Variants in GALNT13 observed in about 807,000 individuals in gnomAD.
GALNT13 encodes polypeptide N-acetylgalactosaminyltransferase 13.
GALNT13 carries 28 observed loss-of-function variants against 64.2 expected under a neutral mutation model. The observed-to-expected ratio is 0.44, with a 90% confidence interval of 0.32 to 0.60. The LOEUF (loss-of-function observed/expected upper bound fraction) is 0.60. Ranked by LOEUF, GALNT13 falls within the 20% of genes least tolerant of loss-of-function variation. GALNT13 has a pLI of 0.05. For missense variants in GALNT13, 577 were observed against 669.8 expected (o/e 0.86, Z 1.53); for synonymous variants, 214 against 224.6 (o/e 0.95, Z 0.42).
At chr2:153,324,276 C>A in the GALNT13 span, among the ~76,000 whole-genome samples, 470 of 152,240 alleles carry the variant, frequency 3.1e-3, 19 homozygotes, top group East Asian at 0.083. Context: ...TGAGTTCACT[C>A]ATGATTTGGT....
At chr2:154,223,455 T>C (rs1475104129) in intron 4 of GALNT13, among the ~76,000 whole-genome samples, 2 of 146,238 alleles carry the variant, frequency 1.4e-5, no homozygotes, top group South Asian at 2.1e-4. Flanking sequence ...TTTCTTTTTT[T>C]TTTTTTTTTT....
chr2:153,953,406 A>G (rs1452488127), intron 3 of GALNT13, among the ~76,000 whole-genome samples: 4 of 152,166 alleles, frequency 2.6e-5, no homozygotes, highest in Non-Finnish European at 4.4e-5. Flanking sequence ...GTGTTAGTAA[A>G]TTCTCACAAA....
the GALNT13 span, among the ~76,000 whole-genome samples, chr2:153,406,060 CA>C: frequency 1.3e-5 from 2 of 152,162 alleles, no homozygotes; most frequent in African/African-American, 4.8e-5. Flanking sequence ...CAAACTGTTA[CA>C]AGAAGCATAT....
At chr2:153,483,843 C>T in the GALNT13 span, among the ~76,000 whole-genome samples, 1 of 152,008 alleles carries the variant, frequency 6.6e-6, no homozygotes, top group Non-Finnish European at 1.5e-5. Context: ...CCTAGACTAG[C>T]CAAATTCAGA....
the GALNT13 span, among the ~76,000 whole-genome samples, chr2:153,282,335 C>A: frequency 6.6e-6 from 1 of 152,100 alleles, no homozygotes; most frequent in Non-Finnish European, 1.5e-5. Context: ...CATTGTACTT[C>A]CTTGCAGTCC....
chr2:154,286,406 T>G (rs539987987), intron 8 of GALNT13, among the ~76,000 whole-genome samples: 1 of 152,316 alleles, frequency 6.6e-6, no homozygotes, highest in African/African-American at 2.4e-5. Flanking sequence ...ATTTGTCAAA[T>G]TTTTCTGCTT....
chr2:153,131,956 A>G, the GALNT13 span, among the ~76,000 whole-genome samples: 1 of 152,114 alleles, frequency 6.6e-6, no homozygotes, highest in Non-Finnish European at 1.5e-5. Context: ...CTTACTGTAG[A>G]GAGTAACCTG....
intron 9 of GALNT13, among the ~76,000 whole-genome samples, chr2:154,367,568 T>C (rs1697441157): frequency 2.0e-5 from 3 of 152,166 alleles, no homozygotes; most frequent in South Asian, 2.1e-4. Context: ...CTACTTACCA[T>C]TTCAAGAGTA....
chr2:153,516,767 T>G, the GALNT13 span, among the ~76,000 whole-genome samples: 1 of 152,112 alleles, frequency 6.6e-6, no homozygotes, highest in Non-Finnish European at 1.5e-5. Context: ...TAATTAAGCA[T>G]GAATTCCATT....
At chr2:153,510,643 T>C in the GALNT13 span, among the ~76,000 whole-genome samples, 8 of 152,140 alleles carry the variant, frequency 5.3e-5, no homozygotes, top group African/African-American at 1.9e-4. Flanking sequence ...CTTCAGCGAT[T>C]CTGCTTTAAT....
intron 8 of GALNT13, among the ~76,000 whole-genome samples, chr2:154,298,072 T>A (rs1443196924): frequency 6.6e-6 from 1 of 151,928 alleles, no homozygotes; most frequent in Non-Finnish European, 1.5e-5. Flanking sequence ...GGCATGCAGG[T>A]CCTATGTAAA....
chr2:154,363,479 G>A (rs114390372), intron 9 of GALNT13, among the ~76,000 whole-genome samples: 133 of 152,144 alleles, frequency 8.7e-4, no homozygotes, highest in African/African-American at 2.3e-3. Flanking sequence ...CTAATTGCAC[G>A]ACCTTTTCTT....
At chr2:153,593,951 A>G in the GALNT13 span, among the ~76,000 whole-genome samples, 4 of 152,148 alleles carry the variant, frequency 2.6e-5, no homozygotes, top group East Asian at 7.7e-4. Flanking sequence ...TTTTAACTCA[A>G]TAACTTGCCG....
At chr2:153,232,452 A>G in the GALNT13 span, among the ~76,000 whole-genome samples, 1 of 152,298 alleles carries the variant, frequency 6.6e-6, no homozygotes, top group East Asian at 1.9e-4. Flanking sequence ...TGTTTTATTT[A>G]TAGCCTTCTT....
At chr2:153,775,874 A>C in the GALNT13 span, among the ~76,000 whole-genome samples, 1 of 152,094 alleles carries the variant, frequency 6.6e-6, no homozygotes, top group Non-Finnish European at 1.5e-5. Context: ...CTGCTCCAAG[A>C]TTTGTTTGAA....
chr2:153,360,619 C>A, the GALNT13 span, among the ~76,000 whole-genome samples: 1 of 152,200 alleles, frequency 6.6e-6, no homozygotes, highest in Non-Finnish European at 1.5e-5. Flanking sequence ...CAGAGTGCCT[C>A]TTCAGGCCTG....
At chr2:154,207,017 T>C (rs546819849) in intron 4 of GALNT13, among the ~76,000 whole-genome samples, 1 of 152,284 alleles carries the variant, frequency 6.6e-6, no homozygotes, top group African/African-American at 2.4e-5. Flanking sequence ...CTTCTCTCCA[T>C]TGTTGTCTGC....
chr2:154,201,042 A>T (rs769027340), intron 4 of GALNT13, among the ~76,000 whole-genome samples: 4 of 152,130 alleles, frequency 2.6e-5, no homozygotes, highest in Non-Finnish European at 5.9e-5. Context: ...AAGTCTCTTT[A>T]TATGTATATG....
chr2:153,321,972 TTGTGTGTG>T, the GALNT13 span, among the ~76,000 whole-genome samples: 75 of 149,312 alleles, frequency 5.0e-4, 1 homozygote, highest in Admixed American at 2.5e-3. Context: ...GTGTGTAAAG[TTGTGTGTG>T]TGTGTGTGTG....
Sources: gnomAD v4.1 joint callset for allele counts (sites outside exome capture counted in the v4.1 genomes callset) on GRCh38, gnomAD v4.1.1 for gene constraint, MANE v1.5 for transcripts, NCBI Gene and HGNC (gene_info 2026-07-23, HGNC 2026-07-21) for gene names.